USPL1: variants seen among roughly 807,000 people sequenced by gnomAD.
USPL1 encodes the protein ubiquitin specific peptidase like 1, also known as SUMO-specific isopeptidase USPL1.
Under a neutral mutation model 51.5 loss-of-function variants are expected in USPL1, and 27 were observed. The observed-to-expected ratio is 0.52, with a 90% CI of 0.39 to 0.72. The LOEUF (loss-of-function observed/expected upper bound fraction) is 0.72, where lower values mean the gene tolerates loss of function less well. Among genes scored for constraint, USPL1 ranks in the 30% least tolerant of loss-of-function variants. The pLI is 0.00. For missense variants in USPL1, 1,226 were observed against 1,268.0 expected, an observed-to-expected ratio of 0.97 and a Z score of 0.50; for synonymous variants, 451 against 459.6, an observed-to-expected ratio of 0.98 and a Z score of 0.24.
At chr13:30,630,214 G>C (rs533900264) in intron 3 of USPL1, among the ~76,000 whole-genome samples, 2 of 152,174 alleles carry the variant, frequency 1.3e-5, no homozygotes, top group South Asian at 4.1e-4. Context: ...AAAATATTCT[G>C]GTAGTTTTTA....
At chr13:30,648,786 C>CTGA (rs1951050776) in intron 7 of USPL1, among the ~76,000 whole-genome samples, 2 of 152,088 alleles carry the variant, frequency 1.3e-5, no homozygotes, top group Non-Finnish European at 2.9e-5. Flanking sequence ...GTGTCTGTAT[C>CTGA]TGTCTGAAGA....
chr13:30,644,904 G>A (rs1032444432), intron 6 of USPL1, among the ~76,000 whole-genome samples: 8 of 152,218 alleles, frequency 5.3e-5, no homozygotes, highest in Non-Finnish European at 1.0e-4. Context: ...ATAATTTAGT[G>A]TAAGCAAGTG....
Position 30,659,739 on chromosome 13 carries a change from C to T in USPL1, c.*383C>T, listed in dbSNP as rs1175107723. 1.2e-5 allele frequency: 2 copies of T among 166,748 alleles called. No individual in the cohort carries two copies. The highest frequency in any genetic ancestry group is 6.1e-5 in the Admixed American group (1 of 16,328). 10.3% of individuals were successfully genotyped at this position (166,748 alleles called of 1,614,324 possible). A position where few individuals can be genotyped will look rare whatever the true frequency, so the allele number is the denominator to read the frequency against. ...TTTCTTCCCCTGGAAACCTGTTGCT[C>T]GTGGCGCTTTGCCCACGGTGCCCGA... On this transcript the variant is annotated 3_prime_UTR_variant, in exon 9 of 9. Transcript: ENST00000255304.
intron 3 of USPL1, among the ~76,000 whole-genome samples, chr13:30,627,111 T>G (rs1950727088): frequency 1.3e-5 from 2 of 152,000 alleles, no homozygotes; most frequent in Admixed American, 6.6e-5. Flanking sequence ...AGGATTAGGT[T>G]TTTTTCAGCA....
At chr13:30,645,394 G>C (rs1951004631) in intron 6 of USPL1, among the ~76,000 whole-genome samples, 1 of 152,150 alleles carries the variant, frequency 6.6e-6, no homozygotes, top group African/African-American at 2.4e-5. Flanking sequence ...TGATCTTTGG[G>C]CTGCTTAACG....
At chr13:30,642,605 A>G in intron 5 of USPL1, 23 bp from the exon 6 acceptor site, 2 of 1,596,580 alleles carry the variant, frequency 1.3e-6, no homozygotes, top group Non-Finnish European at 1.7e-6. Flanking sequence ...TATGAGCAGT[A>G]ATTCTTCCTT....
At chr13:30,635,489 T>C (rs1950863698) in intron 4 of USPL1, among the ~76,000 whole-genome samples, 1 of 152,200 alleles carries the variant, frequency 6.6e-6, no homozygotes, top group Non-Finnish European at 1.5e-5. Flanking sequence ...TTTATTCTCT[T>C]GGTTACTTTG....
Position 30,630,856 on chromosome 13 carries a change from A to G in USPL1, c.250A>G (p.Lys84Glu), listed in dbSNP as rs749089960. Residue 84 changes from lysine to glutamate, a missense_variant, in exon 4 of 9, where the codon AAA becomes GAA. Lys to Glu is a moderately conservative substitution (Grantham distance 56). Transcript: ENST00000255304. The stretch of plus-strand genomic sequence containing the variant: ...CCAGTGCATCTATCCTTTGGGCTCT[A>G]AATCACTTAATAACCTAATTTCTCC... ...DLQCIYPLGS[K>E]SLNNLISPDL... The G allele has an allele frequency of 6.2e-7, 1 of 1,608,536 alleles. No individual in the cohort carries two copies. Among genetic ancestry groups the G allele is most frequent in the Non-Finnish European group, 8.5e-7 (1 of 1,177,648 alleles).
intron 3 of USPL1, among the ~76,000 whole-genome samples, chr13:30,629,348 A>G (rs1270534938): frequency 6.6e-6 from 1 of 152,048 alleles, no homozygotes; most frequent in African/African-American, 2.4e-5. Flanking sequence ...TACAGAAAAT[A>G]CCGTGGCAGG....
At chr13:30,621,017 C>CT in intron 1 of USPL1, 56 bp from the exon 2 acceptor site, 1 of 750,032 alleles carries the variant, frequency 1.3e-6, no homozygotes, top group Non-Finnish European at 2.1e-6. Flanking sequence ...TAGCATGGTT[C>CT]TTTTTTATAG....
rs781357660 is a variant in USPL1, at chr13:30,637,764, A to G, written c.889A>G (p.Thr297Ala). The change falls in exon 5 of 9, where the codon ACC becomes GCC. Residue 297 changes from threonine (T) to alanine (A), a missense_variant. Coordinates refer to ENST00000255304, the MANE Select transcript of USPL1 (RefSeq NM_005800.5). ...CTTAGATGGAGATTGTAAAAAACTT[A>G]CCTCAGAAATATTTGCAGAGATAGA... Reference protein sequence around the residue: ...GVKDGDCKKLTSEIFAEIETC... With the variant: ...GVKDGDCKKLASEIFAEIETC... The G allele has an allele frequency of 6.2e-7, 1 of 1,611,858 alleles. No individual in the cohort carries two copies. The highest frequency in any genetic ancestry group is 2.2e-5 in the East Asian group (1 of 44,782).
intron 5 of USPL1, among the ~76,000 whole-genome samples, chr13:30,641,803 C>G (rs752181876): frequency 7.2e-5 from 11 of 152,188 alleles, no homozygotes; most frequent in Non-Finnish European, 1.6e-4. Flanking sequence ...GCCCTCTCCA[C>G]AGGTGGAACA....
At chr13:30,644,052 A>G (rs774126668) in intron 6 of USPL1, among the ~76,000 whole-genome samples, 10 of 151,808 alleles carry the variant, frequency 6.6e-5, no homozygotes, top group Non-Finnish European at 1.2e-4. Context: ...TGGTAGGCCG[A>G]GGCGGGTGGA....
chr13:30,642,528 C>T lies in USPL1; in HGVS notation c.983-100C>T, dbSNP rs545544094. The T allele has an allele frequency of 2.1e-6, 3 of 1,408,600 alleles. No individual in the cohort carries two copies. In the East Asian group the frequency reaches 6.9e-5, roughly 33 times the overall value. The allele number at this position is 1,408,600 out of a possible 1,614,324, so 87.3% of individuals were successfully genotyped here. ...GTGTCATACTGTATTAACACATATT[C>T]ATGCTGTAAATATAGTAAGAAAAGA... On this transcript the variant is annotated intron_variant, in intron 5 of 8. Transcript: ENST00000255304.
chr13:30,649,015 G>C (rs1412830778), intron 7 of USPL1, among the ~76,000 whole-genome samples: 2 of 152,098 alleles, frequency 1.3e-5, no homozygotes, highest in Non-Finnish European at 2.9e-5. Flanking sequence ...CCATTGTTTT[G>C]TGTAATCTGT....
chr13:30,632,459 G>C (rs1449736425), intron 4 of USPL1, among the ~76,000 whole-genome samples: 1 of 141,294 alleles, frequency 7.1e-6, no homozygotes, highest in East Asian at 2.0e-4. Context: ...TGTTGCCCAG[G>C]CTGGAGTGCG....
Position 30,659,025 on chromosome 13 carries a change from CAG to C in USPL1, c.2951_2952del (p.Glu984AlafsTer8). ...TTATTGTCTCCTACACCTGTTTCAA[CAG>C]AGCTGTCAGAAAATGGGGAAGGTGA... On this transcript the variant is annotated frameshift_variant, in exon 9 of 9. Transcript: ENST00000255304. LOFTEE classifies it low-confidence loss of function (END_TRUNC). The C allele has an allele frequency of 6.2e-7, 1 of 1,614,200 alleles. No homozygotes were observed. The highest frequency in any genetic ancestry group is 8.5e-7 in the Non-Finnish European group (1 of 1,180,042).
In USPL1 at chr13:30,657,524, A is replaced by T. The variant is rs1324783360; in HGVS notation, c.1447A>T (p.Lys483Ter). 1.2e-6 allele frequency: 2 copies of T among 1,612,392 alleles called. No homozygotes were observed. The part of the protein sequence containing the change: ...DLKGPCSERH[K>*]KFEVPASEIH... ...AAAAGGCCCATGTTCTGAAAGGCAC[A>T]AGAAATTTGAAGTTCCTGCTTCAGA... The change falls in exon 9 of 9, where the codon AAG (lysine) becomes TAG (stop). Residue 483 changes from lysine to a stop codon, truncating the protein, a stop_gained. Transcript: ENST00000255304. LOFTEE classifies it low-confidence loss of function (END_TRUNC).
chr13:30,627,193 T>A (rs938008494), intron 3 of USPL1, among the ~76,000 whole-genome samples: 5 of 152,104 alleles, frequency 3.3e-5, no homozygotes, highest in Non-Finnish European at 7.4e-5. Context: ...TTTTATGACT[T>A]TTTTGAAGAC....
Sources: gnomAD v4.1 joint callset for allele counts (sites outside exome capture counted in the v4.1 genomes callset) on GRCh38, gnomAD v4.1.1 for gene constraint, MANE v1.5 for transcripts, NCBI Gene and HGNC (gene_info 2026-07-23, HGNC 2026-07-21) for gene names.